SLC17A8: variants seen among roughly 807,000 people sequenced by gnomAD.
The protein encoded by SLC17A8 is vesicular glutamate transporter 3.
Under a neutral mutation model 58.0 loss-of-function variants are expected in SLC17A8, and 31 were observed. That is an observed-to-expected ratio of 0.53 (90% CI 0.40 to 0.72). The LOEUF is 0.72. Ranked by LOEUF, SLC17A8 falls within the 30% of genes least tolerant of loss-of-function variation. The pLI is 0.00. For synonymous variants in SLC17A8, 228 were observed against 249.0 expected, an observed-to-expected ratio of 0.92 and a Z score of 0.79; for missense variants, 655 against 727.8, an observed-to-expected ratio of 0.90 and a Z score of 1.15.
intron 2 of SLC17A8, among the ~76,000 whole-genome samples, chr12:100,387,659 G>T (rs1228259764): frequency 1.3e-5 from 2 of 152,156 alleles, no homozygotes; most frequent in East Asian, 3.9e-4. Context: ...TAATTCTGTG[G>T]ATCTGGGCAA....
Position 100,404,170 on chromosome 12 carries a change from G to A in SLC17A8, c.1186G>A (p.Gly396Ser), listed in dbSNP as rs766849787. 6.2e-7 allele frequency: 1 copy of A among 1,614,164 alleles called. No homozygotes were observed. Residue 396 changes from glycine to serine, a missense_variant and splice_region_variant, in exon 9 of 12, where the codon GGT (glycine) becomes AGT (serine). Physicochemically the swap from Gly to Ser is moderately conservative, Grantham distance 56. Coordinates refer to ENST00000323346, the MANE Select transcript of SLC17A8 (RefSeq NM_139319.3). Reference protein sequence around the residue: ...TAVRKIMNCGGFGMEATLLLV... With the variant: ...TAVRKIMNCGSFGMEATLLLV... ...TGTCAGAAAAATCATGAACTGTGGA[G>A]GTACTGTGGATTTCATAGATGGCTT... is the stretch of plus-strand genomic sequence containing the variant.
chr12:100,419,310 G>A (rs560624374), intron 11 of SLC17A8, among the ~76,000 whole-genome samples: 11 of 152,216 alleles, frequency 7.2e-5, no homozygotes, highest in African/African-American at 2.4e-4. Context: ...CAAGGCGGGT[G>A]GATCATGAGG....
At chr12:100,365,195 G>T (rs1409245225) in intron 1 of SLC17A8, among the ~76,000 whole-genome samples, 1 of 152,154 alleles carries the variant, frequency 6.6e-6, no homozygotes, top group East Asian at 1.9e-4. Context: ...TGGCTGCATG[G>T]TCTCTTGATA....
At chr12:100,396,687 C>T (rs1392813020) in intron 5 of SLC17A8, among the ~76,000 whole-genome samples, 1 of 151,864 alleles carries the variant, frequency 6.6e-6, no homozygotes, top group Non-Finnish European at 1.5e-5. Flanking sequence ...GAGGTTGAGG[C>T]TGCATTAAGC....
intron 5 of SLC17A8, among the ~76,000 whole-genome samples, chr12:100,399,843 T>A (rs932699566): frequency 6.6e-6 from 1 of 152,144 alleles, no homozygotes; most frequent in African/African-American, 2.4e-5. Flanking sequence ...GGGGAATTAT[T>A]AGGTGCTTTT....
At chr12:100,368,980 G>A (rs1467200605) in intron 1 of SLC17A8, among the ~76,000 whole-genome samples, 1 of 152,124 alleles carries the variant, frequency 6.6e-6, no homozygotes, top group Non-Finnish European at 1.5e-5. Context: ...CGTAAAGAAT[G>A]TTAAGAATTG....
intron 1 of SLC17A8, among the ~76,000 whole-genome samples, chr12:100,376,805 CTTTCT>C (rs1218760892): frequency 6.6e-6 from 1 of 151,970 alleles, no homozygotes; most frequent in Non-Finnish European, 1.5e-5. Flanking sequence ...CATCAGTTTT[CTTTCT>C]TTTCTTTTCT....
intron 9 of SLC17A8, among the ~76,000 whole-genome samples, chr12:100,411,484 G>GA (rs1475731310): frequency 2.0e-5 from 3 of 151,764 alleles, no homozygotes; most frequent in Non-Finnish European, 4.4e-5. Context: ...CTGTCTCAAA[G>GA]AAAAAATAAA....
chr12:100,390,617 G>A (rs1952708682), intron 2 of SLC17A8, among the ~76,000 whole-genome samples: 1 of 151,942 alleles, frequency 6.6e-6, no homozygotes, highest in African/African-American at 2.4e-5. Context: ...CAAAGTGCTG[G>A]GATTACAGGT....
At chr12:100,406,695 C>T (rs1022264407) in intron 9 of SLC17A8, among the ~76,000 whole-genome samples, 4 of 152,106 alleles carry the variant, frequency 2.6e-5, no homozygotes, top group African/African-American at 9.7e-5. Context: ...GCCACCATGC[C>T]TGGCTAATCT....
At chr12:100,413,630 G>A (rs748811108) in intron 10 of SLC17A8, among the ~76,000 whole-genome samples, 6 of 152,120 alleles carry the variant, frequency 3.9e-5, no homozygotes, top group Non-Finnish European at 5.9e-5. Flanking sequence ...TGCAAAACTG[G>A]GTCAAAGAGT....
chr12:100,402,810 TTGTA>T (rs1466952436), intron 8 of SLC17A8, 65 bp downstream of exon 8: 2 of 1,462,478 alleles, frequency 1.4e-6, no homozygotes, highest in Admixed American at 2.0e-5. Flanking sequence ...GAGAATAACT[TTGTA>T]TGATAAAATA....
rs56156523 is a variant in SLC17A8, at chr12:100,420,976, A to C, written c.*817A>C. ...ATGGTTTTGTGACTCCATAGTTTTT[A>C]AAGTAATAAGGGTCAAAGACTACAT... On this transcript the variant is annotated 3_prime_UTR_variant, in exon 12 of 12. Coordinates refer to ENST00000323346, the MANE Select transcript of SLC17A8 (RefSeq NM_139319.3). 1 of 152,158 alleles carries C rather than the reference A, an allele frequency of 6.6e-6. No individual in the cohort carries two copies. The highest frequency in any genetic ancestry group is 2.4e-5 in the African/African-American group (1 of 41,424). The allele number at this position is 152,158 out of a possible 1,614,324, so 9.4% of individuals were successfully genotyped here.
chr12:100,381,568 C>CAGAGAG (rs112159680), intron 2 of SLC17A8, among the ~76,000 whole-genome samples: 73,393 of 148,852 alleles, frequency 0.49, 18,139 homozygotes, highest in East Asian at 0.72. Flanking sequence ...AAGAAAGAGA[C>CAGAGAG]AGAGAGAGAG....
At chr12:100,415,917 C>T (rs1952903410) in intron 10 of SLC17A8, among the ~76,000 whole-genome samples, 2 of 152,162 alleles carry the variant, frequency 1.3e-5, no homozygotes, top group South Asian at 4.1e-4. Flanking sequence ...ATTGCAGCCA[C>T]AGGGGCAATA....
chr12:100,392,470 C>T (rs1017057846), intron 3 of SLC17A8, among the ~76,000 whole-genome samples: 1 of 151,994 alleles, frequency 6.6e-6, no homozygotes, highest in African/African-American at 2.4e-5. Flanking sequence ...AAGCCACTAC[C>T]ATAAGATCTA....
chr12:100,388,496 C>T (rs1255509200), intron 2 of SLC17A8, among the ~76,000 whole-genome samples: 1 of 151,996 alleles, frequency 6.6e-6, no homozygotes, highest in Non-Finnish European at 1.5e-5. Context: ...CTAGCTAGTT[C>T]CTTTTTACCA....
intron 10 of SLC17A8, among the ~76,000 whole-genome samples, chr12:100,414,993 C>T (rs1029099592): frequency 1.3e-5 from 2 of 152,166 alleles, no homozygotes; most frequent in African/African-American, 2.4e-5. Context: ...AGCGGAGGAA[C>T]GCCTTCCCTT....
chr12:100,402,190 T>C, intron 6 of SLC17A8, 150 bp from the exon 7 acceptor site: 1 of 771,166 alleles, frequency 1.3e-6, no homozygotes, highest in East Asian at 2.7e-5. Context: ...TTCACGTGCA[T>C]GTATGAGATG....
Sources: gnomAD v4.1 joint callset for allele counts (sites outside exome capture counted in the v4.1 genomes callset) on GRCh38, gnomAD v4.1.1 for gene constraint, MANE v1.5 for transcripts, NCBI Gene and HGNC (gene_info 2026-07-23, HGNC 2026-07-21) for gene names.